Variants in LHFPL1 observed in about 807,000 individuals in gnomAD.
LHFPL1 encodes LHFPL tetraspan subfamily member 1 protein.
A neutral mutation model predicts 12.1 loss-of-function variants in LHFPL1; 4 were observed. That is an observed-to-expected ratio of 0.33 (90% CI 0.16 to 0.76). The LOEUF (loss-of-function observed/expected upper bound fraction) is 0.76. Among genes scored for constraint, LHFPL1 ranks in the 30% least tolerant of loss-of-function variants. The pLI, the probability that LHFPL1 is intolerant of heterozygous loss-of-function variation, is 0.61. For missense variants in LHFPL1, 141 were observed against 174.1 expected (o/e 0.81, Z 1.07); for synonymous variants, 52 against 61.9 (o/e 0.84, Z 0.75).
chrX:112,649,796 T>C (rs1930799170), intron 3 of LHFPL1, among the ~76,000 whole-genome samples: 1 of 111,803 alleles, frequency 8.9e-6, no homozygotes, highest in South Asian at 3.7e-4. Context: ...ATAACTTTTT[T>C]CTTCTCTACA....
At chrX:112,658,098 C>T (rs966853934) in intron 3 of LHFPL1, among the ~76,000 whole-genome samples, 16 of 110,859 alleles carry the variant, frequency 1.4e-4, no homozygotes, top group East Asian at 2.8e-4. Flanking sequence ...TCAACAACAA[C>T]GAGGACAACA....
chrX:112,658,007 C>G (rs1284529880), intron 3 of LHFPL1, among the ~76,000 whole-genome samples: 1 of 110,512 alleles, frequency 9.0e-6, no homozygotes, highest in Admixed American at 9.6e-5. Context: ...AAAAGACAAC[C>G]TACAGAATGG....
intron 3 of LHFPL1, among the ~76,000 whole-genome samples, chrX:112,640,521 G>A (rs936945150): frequency 1.8e-5 from 2 of 111,561 alleles, no homozygotes; most frequent in Non-Finnish European, 3.8e-5. Flanking sequence ...AAGGCAATGG[G>A]GAACCACTGC....
At chrX:112,633,268 G>A (rs776661080) in intron 3 of LHFPL1, among the ~76,000 whole-genome samples, 53 of 111,772 alleles carry the variant, frequency 4.7e-4, no homozygotes, top group African/African-American at 1.6e-3. Context: ...GAGGACATTG[G>A]CATTTTCAAC....
intron 3 of LHFPL1, among the ~76,000 whole-genome samples, chrX:112,646,729 G>A (rs1242843343): frequency 9.1e-6 from 1 of 110,364 alleles, no homozygotes; most frequent in Non-Finnish European, 1.9e-5. Flanking sequence ...AGATTGATGG[G>A]GGACTGGGGG....
At chrX:112,644,126 C>A (rs1449626714) in intron 3 of LHFPL1, among the ~76,000 whole-genome samples, 1 of 112,573 alleles carries the variant, frequency 8.9e-6, no homozygotes. Flanking sequence ...TCAAGGACTG[C>A]CTGCCAGGGC....
intron 3 of LHFPL1, among the ~76,000 whole-genome samples, chrX:112,634,634 A>G (rs1930285362): frequency 8.9e-6 from 1 of 111,739 alleles, no homozygotes; most frequent in Non-Finnish European, 1.9e-5. Context: ...ATTAGCCCAA[A>G]GCCCTAGGCA....
intron 3 of LHFPL1, 140 bp downstream of exon 3, chrX:112,660,487 T>G: frequency 2.0e-6 from 1 of 499,036 alleles, no homozygotes; most frequent in Admixed American, 3.0e-5. Context: ...TCTTGTGAGT[T>G]AAGCTACCAC....
At chrX:112,661,883 C>A (rs1413393940) in intron 2 of LHFPL1, 2 of 111,982 alleles carry the variant, frequency 1.8e-5, no homozygotes, top group African/African-American at 6.5e-5. Flanking sequence ...CAAGCTAAAG[C>A]CAAGTTCAAT....
Position 112,631,398 on chromosome X carries a change from C to T in LHFPL1, c.*22G>A. On this transcript the variant is annotated 3_prime_UTR_variant, in exon 4 of 4. Coordinates refer to ENST00000371968, the MANE Select transcript of LHFPL1 (RefSeq NM_178175.4). ...GGGCTCCCTCCTCCCCTTTCCCACCCTCTCCAATCTTCTTTCAAAGCTCAA... is the reference window on the plus strand; with the variant it reads ...GGGCTCCCTCCTCCCCTTTCCCACCTTCTCCAATCTTCTTTCAAAGCTCAA... 8.4e-7 allele frequency: 1 copy of T among 1,188,441 alleles called. No individual in the cohort carries two copies. Among genetic ancestry groups the T allele is most frequent in the Non-Finnish European group, 1.1e-6 (1 of 879,307 alleles).
At chrX:112,643,849 G>A (rs997431598) in intron 3 of LHFPL1, among the ~76,000 whole-genome samples, 3 of 111,824 alleles carry the variant, frequency 2.7e-5, no homozygotes, top group Non-Finnish European at 3.8e-5. Context: ...CAAGCACTAC[G>A]GACGTGCGGT....
chrX:112,679,605 G>A (rs1473064157), intron 1 of LHFPL1, among the ~76,000 whole-genome samples: 1 of 111,339 alleles, frequency 9.0e-6, no homozygotes, highest in Admixed American at 9.6e-5. Flanking sequence ...TATGAAATAG[G>A]AATCCAGCCC....
intron 3 of LHFPL1, among the ~76,000 whole-genome samples, chrX:112,636,161 A>G: frequency 9.0e-6 from 1 of 111,299 alleles, no homozygotes; most frequent in Middle Eastern, 4.6e-3. Context: ...AAATGTCACC[A>G]GACATTGCCA....
At chrX:112,660,418 G>C (rs1465917102) in intron 3 of LHFPL1, among the ~76,000 whole-genome samples, 1 of 111,753 alleles carries the variant, frequency 8.9e-6, no homozygotes, top group Non-Finnish European at 1.9e-5. Flanking sequence ...ATAGGTCCCC[G>C]GGCAAAACTG....
intron 3 of LHFPL1, among the ~76,000 whole-genome samples, chrX:112,645,299 G>A (rs12557085): frequency 0.17 from 18,815 of 111,318 alleles, 1,871 homozygotes; most frequent in African/African-American, 0.37. Flanking sequence ...TTGAACCCAG[G>A]TCATTCTACT....
At chrX:112,634,204 C>G (rs1206805571) in intron 3 of LHFPL1, among the ~76,000 whole-genome samples, 1 of 111,429 alleles carries the variant, frequency 9.0e-6, no homozygotes, top group Admixed American at 9.5e-5. Flanking sequence ...GACCAAGTGT[C>G]TTTACTCCCA....
intron 1 of LHFPL1, among the ~76,000 whole-genome samples, chrX:112,677,661 CAAAAA>C (rs58664430): frequency 6.2e-5 from 6 of 96,127 alleles, no homozygotes; most frequent in African/African-American, 2.2e-4. Context: ...GACAAAGCTT[CAAAAA>C]AAAAAAAAAA....
At chrX:112,658,424 C>CA (rs1931075505) in intron 3 of LHFPL1, among the ~76,000 whole-genome samples, 1 of 60,938 alleles carries the variant, frequency 1.6e-5, no homozygotes, top group East Asian at 5.0e-4. Context: ...TACTCCATCT[C>CA]AAAAAACAAA....
intron 3 of LHFPL1, among the ~76,000 whole-genome samples, chrX:112,646,201 A>G (rs920956487): frequency 1.8e-5 from 2 of 110,693 alleles, no homozygotes; most frequent in Non-Finnish European, 3.8e-5. Flanking sequence ...GGACAGGGTC[A>G]GGTACATAAT....
Sources: allele counts gnomAD v4.1 joint callset (sites outside exome capture counted in the v4.1 genomes callset), GRCh38; gene constraint gnomAD v4.1.1; transcripts MANE v1.5; gene names NCBI Gene and HGNC (gene_info 2026-07-23, HGNC 2026-07-21).